Variants in GALNT14 observed in about 807,000 individuals in gnomAD.
The protein encoded by GALNT14 is polypeptide N-acetylgalactosaminyltransferase 14, also known as UDP-GalNAc:polypeptide N-acetylgalactosaminyltransferase 14.
In GALNT14, 60 loss-of-function variants were observed where a neutral mutation model predicts 77.5. The observed-to-expected ratio is 0.77, with a 90% CI of 0.63 to 0.96. The LOEUF is 0.96. Ranked by LOEUF, GALNT14 falls within the 40% of genes least tolerant of loss-of-function variation. GALNT14 has a pLI of 0.00. For missense variants in GALNT14, 710 were observed against 731.0 expected, an observed-to-expected ratio of 0.97 and a Z score of 0.33; for synonymous variants, 280 against 281.7, an observed-to-expected ratio of 0.99 and a Z score of 0.06.
intron 13 of GALNT14, among the ~76,000 whole-genome samples, chr2:30,922,288 C>G (rs1665080444): frequency 6.6e-6 from 1 of 152,226 alleles, no homozygotes; most frequent in Non-Finnish European, 1.5e-5. Context: ...CCTGAGATCT[C>G]ATAGCATCCT....
At chr2:31,047,552 G>C (rs548351182) in intron 1 of GALNT14, among the ~76,000 whole-genome samples, 1,662 of 152,266 alleles carry the variant, frequency 0.011, 19 homozygotes, top group Non-Finnish European at 0.015. Flanking sequence ...GACACTACAA[G>C]CAACATTTCT....
chr2:30,946,933 TTGACTTCAC>T (rs1666730601), intron 6 of GALNT14, among the ~76,000 whole-genome samples: 1 of 152,190 alleles, frequency 6.6e-6, no homozygotes, highest in Non-Finnish European at 1.5e-5. Context: ...CTTTCAAAGG[TTGACTTCAC>T]TGTCTTCTCC....
At chr2:31,049,281 A>C (rs1251386178) in intron 1 of GALNT14, among the ~76,000 whole-genome samples, 1 of 152,082 alleles carries the variant, frequency 6.6e-6, no homozygotes, top group Non-Finnish European at 1.5e-5. Flanking sequence ...GCAAGCTCAC[A>C]CTTACTAAAT....
intron 1 of GALNT14, among the ~76,000 whole-genome samples, chr2:31,054,559 G>C (rs1308076579): frequency 2.0e-5 from 3 of 152,128 alleles, no homozygotes; most frequent in African/African-American, 7.2e-5. Context: ...ATTCAACTTT[G>C]CTGCACAAAT....
chr2:31,047,708 A>C (rs1673557070), intron 1 of GALNT14, among the ~76,000 whole-genome samples: 1 of 152,236 alleles, frequency 6.6e-6, no homozygotes, highest in African/African-American at 2.4e-5. Flanking sequence ...ATGGCCCAGG[A>C]GAGCATTTTC....
intron 1 of GALNT14, among the ~76,000 whole-genome samples, chr2:31,074,334 G>A (rs1675615260): frequency 6.6e-6 from 1 of 152,220 alleles, no homozygotes; most frequent in African/African-American, 2.4e-5. Context: ...GGCAGCTGCT[G>A]TGAGTGCCAG....
intron 3 of GALNT14, among the ~76,000 whole-genome samples, chr2:30,963,286 A>G (rs977696934): frequency 6.6e-6 from 1 of 152,202 alleles, no homozygotes; most frequent in African/African-American, 2.4e-5. Context: ...CTGTACCTCC[A>G]GGAAACCCAG....
intron 1 of GALNT14, among the ~76,000 whole-genome samples, chr2:31,044,859 A>C (rs1673332831): frequency 6.6e-6 from 1 of 151,966 alleles, no homozygotes; most frequent in African/African-American, 2.4e-5. Flanking sequence ...AGGTTGCAGC[A>C]AGCCAAGACT....
chr2:31,021,393 C>A (rs915555869), intron 1 of GALNT14, among the ~76,000 whole-genome samples: 3 of 150,966 alleles, frequency 2.0e-5, no homozygotes, highest in African/African-American at 4.9e-5. Flanking sequence ...CAACCTCCGC[C>A]TCCTGGGTTC....
At chr2:31,075,619 G>A (rs780258766) in intron 1 of GALNT14, among the ~76,000 whole-genome samples, 5 of 152,230 alleles carry the variant, frequency 3.3e-5, no homozygotes, top group Non-Finnish European at 7.3e-5. Context: ...GAGTGACAGC[G>A]TGTTTACAAG....
At chr2:31,008,345 T>C (rs1032544449) in intron 1 of GALNT14, among the ~76,000 whole-genome samples, 2 of 152,092 alleles carry the variant, frequency 1.3e-5, no homozygotes, top group Non-Finnish European at 2.9e-5. Flanking sequence ...AATCCTCCCA[T>C]CTTAGCTTCC....
At chr2:30,916,094 A>G (rs1664662850) in intron 13 of GALNT14, among the ~76,000 whole-genome samples, 2 of 152,212 alleles carry the variant, frequency 1.3e-5, no homozygotes, top group Admixed American at 1.3e-4. Flanking sequence ...TAATCACCCC[A>G]GCACCTGGAC....
intron 7 of GALNT14, 152 bp from the exon 8 acceptor site, chr2:30,945,094 C>T (rs1299729661): frequency 3.6e-6 from 2 of 550,692 alleles, no homozygotes; most frequent in East Asian, 2.9e-5. Context: ...CTAGGCTGAT[C>T]AGCAGCATGG....
intron 1 of GALNT14, among the ~76,000 whole-genome samples, chr2:31,117,371 C>T (rs923525839): frequency 2.0e-5 from 3 of 152,060 alleles, no homozygotes; most frequent in Non-Finnish European, 2.9e-5. Context: ...TGGCTGCATG[C>T]AAAAGAAATG....
chr2:30,905,370 G>A, the GALNT14 span, among the ~76,000 whole-genome samples: 2 of 151,198 alleles, frequency 1.3e-5, no homozygotes, highest in African/African-American at 2.4e-5. Flanking sequence ...GCTTAAAGGA[G>A]CTGATGGAGC....
intron 8 of GALNT14, among the ~76,000 whole-genome samples, chr2:30,943,125 A>C (rs1272125710): frequency 6.6e-6 from 1 of 152,192 alleles, no homozygotes; most frequent in Non-Finnish European, 1.5e-5. Context: ...CTCCTCCAGA[A>C]CTGCGGGACG....
intron 1 of GALNT14, among the ~76,000 whole-genome samples, chr2:31,108,051 T>G (rs576695701): frequency 3.5e-4 from 54 of 152,138 alleles, no homozygotes; most frequent in Non-Finnish European, 6.5e-4. Context: ...GTCTCATATC[T>G]CTGGCTGGCT....
At chr2:31,099,394 T>C (rs1334696555) in intron 1 of GALNT14, among the ~76,000 whole-genome samples, 1 of 152,000 alleles carries the variant, frequency 6.6e-6, no homozygotes, top group Non-Finnish European at 1.5e-5. Flanking sequence ...TAGATTCTTT[T>C]TGCTACTTAG....
intron 1 of GALNT14, among the ~76,000 whole-genome samples, chr2:31,007,335 GA>G (rs1670742831): frequency 6.6e-6 from 1 of 152,182 alleles, no homozygotes; most frequent in Admixed American, 6.5e-5. Context: ...AATCTTAGAT[GA>G]ACTATCAGAA....
Sources: gnomAD v4.1 joint callset for allele counts (sites outside exome capture counted in the v4.1 genomes callset) on GRCh38, gnomAD v4.1.1 for gene constraint, MANE v1.5 for transcripts, NCBI Gene and HGNC (gene_info 2026-07-23, HGNC 2026-07-21) for gene names.